Variants in ANKS1B observed in about 807,000 individuals in gnomAD.
ANKS1B encodes ankyrin repeat and sterile alpha motif domain-containing protein 1B.
In ANKS1B, 36 loss-of-function variants were observed where a neutral mutation model predicts 148.3. That is an observed-to-expected ratio of 0.24 (90% CI 0.19 to 0.32). The LOEUF is 0.32. Among genes scored for constraint, ANKS1B ranks in the 10% least tolerant of loss-of-function variants. The pLI is 1.00. For synonymous variants in ANKS1B, 542 were observed against 560.8 expected, an observed-to-expected ratio of 0.97 and a Z score of 0.47; for missense variants, 1,157 against 1,542.6, an observed-to-expected ratio of 0.75 and a Z score of 4.19.
In ANKS1B at chr12:98,826,491, A is replaced by C. The variant is rs934024143; in HGVS notation, c.3066+2683T>G. 2.0e-5 allele frequency among the ~76,000 whole-genome samples: 3 copies of C among 152,118 alleles called. No individual in the cohort carries two copies. The South Asian group carries it at 6.2e-4, about 32-fold the overall frequency. ...CCTCAAGAAGGCAAAACTCCTAATG[A>C]ATTATTGCGGCCACCAAGAACTTAA... On this transcript the variant is annotated intron_variant, in intron 19 of 26. Transcript: ENST00000683438.
intron 11 of ANKS1B, among the ~76,000 whole-genome samples, chr12:99,442,373 G>A (rs2095563121): frequency 6.6e-6 from 1 of 151,618 alleles, no homozygotes; most frequent in Non-Finnish European, 1.5e-5. Flanking sequence ...CACATATTGG[G>A]GCACTATGTC....
chr12:99,729,995 G>C lies in ANKS1B; in HGVS notation c.1128+42927C>G, dbSNP rs2058978484. On this transcript the variant is annotated intron_variant, in intron 8 of 26. Transcript: ENST00000683438. ...AATCTTTGGTGCTGCTCCTCAAGGA[G>C]TTGTAGCTTTGTGCATGTATGCTCA... 3.3e-5 allele frequency among the ~76,000 whole-genome samples: 5 copies of C among 152,330 alleles called. No homozygotes were observed. The South Asian group carries it at 1.0e-3, about 32-fold the overall frequency.
chr12:99,108,678 G>A (rs2059703630), intron 15 of ANKS1B, among the ~76,000 whole-genome samples: 1 of 152,060 alleles, frequency 6.6e-6, no homozygotes, highest in African/African-American at 2.4e-5. Flanking sequence ...CAGATAAGAA[G>A]GTAGGTGACT....
In ANKS1B at chr12:99,810,697, T is replaced by G. The variant is rs117198440; in HGVS notation, c.372+1458A>C. Among the ~76,000 whole-genome samples, 199 of 152,088 alleles carry G rather than the reference T, an allele frequency of 1.3e-3. 5 individuals carry two copies. The East Asian group carries it at 0.036, about 28-fold the overall frequency. On this transcript the variant is annotated intron_variant, in intron 3 of 26. Transcript: ENST00000683438. ...TTCAACATTACCAAAAACAAGTATTTCTCTTTAAAACATATAGCAACTTTT... is the reference window on the plus strand; with the variant it reads ...TTCAACATTACCAAAAACAAGTATTGCTCTTTAAAACATATAGCAACTTTT...
chr12:99,705,295 A>G (rs1014980596), intron 8 of ANKS1B, among the ~76,000 whole-genome samples: 7 of 152,226 alleles, frequency 4.6e-5, no homozygotes, highest in South Asian at 2.1e-4. Flanking sequence ...GTATGGTAAG[A>G]TAATGAAAAT....
intron 17 of ANKS1B, among the ~76,000 whole-genome samples, chr12:98,986,556 T>C (rs1028490611): frequency 6.6e-5 from 10 of 152,144 alleles, no homozygotes; most frequent in Non-Finnish European, 1.3e-4. Flanking sequence ...AATGACTTTC[T>C]CTCTACTGAA....
chr12:99,104,373 T>C (rs779548450), intron 15 of ANKS1B: 1 of 152,238 alleles, frequency 6.6e-6, no homozygotes, highest in South Asian at 2.1e-4. Flanking sequence ...GTAATAACTA[T>C]AGCTTATTAC....
chr12:98,751,283 C>G lies in ANKS1B; in HGVS notation c.3747+72G>C, dbSNP rs1056579955. On this transcript the variant is annotated intron_variant, in intron 26 of 26. Transcript: ENST00000683438. This position sits in a 1 kb window ranked among gnomAD's most constrained non-coding sequence, Gnocchi z 4.3. ...GGGTTCTAATGGCACCCACACCACACAAGGGCCTGGTTAGCAGCCCCTTTT... is the reference window on the plus strand; with the variant it reads ...GGGTTCTAATGGCACCCACACCACAGAAGGGCCTGGTTAGCAGCCCCTTTT... 45 of 1,496,364 alleles carry G rather than the reference C, an allele frequency of 3.0e-5. No homozygotes were observed. Among genetic ancestry groups the G allele is most frequent in the Non-Finnish European group, 3.9e-5 (43 of 1,103,126 alleles). 92.7% of individuals were successfully genotyped at this position (1,496,364 alleles called of 1,614,324 possible).
At position 99,088,851 on chromosome 12, in the gene ANKS1B, T is replaced by TTTG. The variant is rs1555230541; in HGVS notation, c.2527-3829_2527-3828insCAA. On this transcript the variant is annotated intron_variant, in intron 15 of 26. Transcript: ENST00000683438. Reference sequence around the variant, plus strand: ...AGTTTAACTTCTGTTTTTTTTTTTTTTTTTTTTTTTTGAGATGGAGTTTCA... The same window carrying TTTG: ...AGTTTAACTTCTGTTTTTTTTTTTTTTTGTTTTTTTTTTTGAGATGGAGTTTCA... 9.5e-3 allele frequency among the ~76,000 whole-genome samples: 1,336 copies of TTTG among 139,926 alleles called. 17 individuals are homozygous for TTTG. The highest frequency in any genetic ancestry group is 0.015 in the Non-Finnish European group (974 of 64,656). 91.8% of individuals were successfully genotyped at this position (139,926 alleles called of 152,430 possible).
chr12:99,240,958 A>G (rs182299729), intron 14 of ANKS1B, among the ~76,000 whole-genome samples: 16 of 152,344 alleles, frequency 1.1e-4, no homozygotes, highest in Admixed American at 9.8e-4. Flanking sequence ...AAGATCTAAA[A>G]TTGACACGCT....
chr12:98,909,713 AG>A (rs2099784161), intron 17 of ANKS1B, among the ~76,000 whole-genome samples: 1 of 152,220 alleles, frequency 6.6e-6, no homozygotes, highest in Admixed American at 6.5e-5. Context: ...TGCTGATATT[AG>A]TCATTGTACT....
At chr12:99,597,633 AAT>A (rs1317452980) in intron 9 of ANKS1B, among the ~76,000 whole-genome samples, 1 of 152,084 alleles carries the variant, frequency 6.6e-6, no homozygotes, top group Non-Finnish European at 1.5e-5. Flanking sequence ...TTTTAATGAC[AAT>A]AGACTTTTCT....
At chr12:99,730,474 AC>A (rs1401882631) in intron 8 of ANKS1B, among the ~76,000 whole-genome samples, 1 of 152,202 alleles carries the variant, frequency 6.6e-6, no homozygotes, top group Non-Finnish European at 1.5e-5. Flanking sequence ...CATCCAGAGT[AC>A]AACACTCACT....
chr12:99,640,658 T>A (rs2098294150), intron 9 of ANKS1B, among the ~76,000 whole-genome samples: 1 of 152,170 alleles, frequency 6.6e-6, no homozygotes, highest in Non-Finnish European at 1.5e-5. Context: ...TTATAAATTA[T>A]CCAGTCGGTG....
At chr12:98,892,002 C>T (rs1231630946) in intron 17 of ANKS1B, among the ~76,000 whole-genome samples, 2 of 152,208 alleles carry the variant, frequency 1.3e-5, no homozygotes, top group Non-Finnish European at 2.9e-5. Flanking sequence ...TATACAAATA[C>T]AAATGTTTTA....
intron 2 of ANKS1B, among the ~76,000 whole-genome samples, chr12:99,814,028 TTCTG>T (rs1416347145): frequency 1.3e-5 from 2 of 151,732 alleles, no homozygotes; most frequent in Non-Finnish European, 3.0e-5. Flanking sequence ...CATAAATACT[TTCTG>T]TATCTATTGT....
At chr12:98,868,828 T>C (rs990180980) in intron 17 of ANKS1B, among the ~76,000 whole-genome samples, 5 of 152,146 alleles carry the variant, frequency 3.3e-5, no homozygotes, top group Non-Finnish European at 7.4e-5. Context: ...AAATAAAGGG[T>C]AGGGTGGGGG....
At chr12:99,211,141 C>CT (rs1247190066) in intron 14 of ANKS1B, among the ~76,000 whole-genome samples, 1 of 152,162 alleles carries the variant, frequency 6.6e-6, no homozygotes, top group African/African-American at 2.4e-5. Context: ...TAACTTAGGG[C>CT]TAATGCCCCT....
At chr12:98,944,311 A>G (rs1361845157) in intron 17 of ANKS1B, among the ~76,000 whole-genome samples, 1 of 151,162 alleles carries the variant, frequency 6.6e-6, no homozygotes, top group African/African-American at 2.4e-5. Flanking sequence ...ACAAAAAAAA[A>G]AAAAAAAAAA....
Sources: gnomAD v4.1 joint callset for allele counts (sites outside exome capture counted in the v4.1 genomes callset) on GRCh38, gnomAD v4.1.1 for gene constraint, Gnocchi (gnomAD v3.1) non-coding constraint, MANE v1.5 for transcripts, NCBI Gene and HGNC (gene_info 2026-07-23, HGNC 2026-07-21) for gene names.